Variants in MPHOSPH9 observed in about 807,000 individuals in gnomAD.
The protein encoded by MPHOSPH9 is M-phase phosphoprotein 9.
In MPHOSPH9, 88 loss-of-function variants were observed where a neutral mutation model predicts 145.5. That is an observed-to-expected ratio of 0.60 (90% CI 0.51 to 0.72). MPHOSPH9 has a LOEUF of 0.72. Ranked by LOEUF, MPHOSPH9 falls within the 30% of genes least tolerant of loss-of-function variation. The probability of loss-of-function intolerance (pLI) is 0.00; values close to 1 mark genes in which losing one functional copy is unlikely to be tolerated. For missense variants in MPHOSPH9, 1,238 were observed against 1,386.6 expected (o/e 0.89, Z 1.70); for synonymous variants, 435 against 486.2 (o/e 0.89, Z 1.39).
intron 23 of MPHOSPH9, among the ~76,000 whole-genome samples, chr12:123,158,077 C>A (rs1196668557): frequency 1.3e-5 from 2 of 151,856 alleles, no homozygotes; most frequent in Non-Finnish European, 2.9e-5. Context: ...GCAACCTCTG[C>A]CTCCCAGGTT....
chr12:123,170,920 T>A (rs1716176), intron 16 of MPHOSPH9, among the ~76,000 whole-genome samples: 1 of 151,704 alleles, frequency 6.6e-6, no homozygotes, highest in South Asian at 2.1e-4. Context: ...CGTTAAAGTG[T>A]TTCAATTTTA....
Position 123,230,340 on chromosome 12 carries a change from T to C in MPHOSPH9, c.25A>G (p.Thr9Ala). MEEFDLVKTLHKTSSSVGS... is the reference protein window; with the variant it reads MEEFDLVKALHKTSSSVGS... ...ACAGAAGATGAAGTTTTGTGTAAGGTTTTCACCAAGTCAAACTCTTCCATA... is the reference window on the plus strand; with the variant it reads ...ACAGAAGATGAAGTTTTGTGTAAGGCTTTCACCAAGTCAAACTCTTCCATA... Residue 9 changes from threonine (T) to alanine (A), a missense_variant, in exon 2 of 24, where the codon ACC becomes GCC. Physicochemically the swap from Thr to Ala is moderately conservative, Grantham distance 58 (BLOSUM62 0). This residue lies in a region of MPHOSPH9 where 837 missense variants were observed against 897.5 expected (regional missense o/e 0.93). Transcript: ENST00000606320. 6.5e-7 allele frequency: 1 copy of C among 1,533,216 alleles called. No individual in the cohort carries two copies. The highest frequency in any genetic ancestry group is 8.7e-7 in the Non-Finnish European group (1 of 1,144,798). The allele number at this position is 1,533,216 out of a possible 1,614,324, so 95.0% of individuals were successfully genotyped here.
At chr12:123,204,514 T>A (rs2046346615) in intron 8 of MPHOSPH9, among the ~76,000 whole-genome samples, 1 of 152,106 alleles carries the variant, frequency 6.6e-6, no homozygotes, top group African/African-American at 2.4e-5. Context: ...CCCCCACCCA[T>A]CACTTCTCAG....
chr12:123,207,856 G>GA (rs879541250), intron 8 of MPHOSPH9, among the ~76,000 whole-genome samples: 6 of 43,470 alleles, frequency 1.4e-4, no homozygotes, highest in Non-Finnish European at 9.2e-5. Flanking sequence ...CCGCCTCAAA[G>GA]AAAAAAAAAA....
rs763131282 is a variant in MPHOSPH9, at chr12:123,210,068, C to G, written c.1182G>C (p.Val394=). ...GTTTTTAAATTACCTGGTTTGGTGACACATCTGTGGAAGACAATGATATGA... is the reference window on the plus strand; with the variant it reads ...GTTTTTAAATTACCTGGTTTGGTGAGACATCTGTGGAAGACAATGATATGA... ...KTFISLSSTD[V]SPNQSNTSNE... The change falls in exon 8 of 24, where the codon GTG becomes GTC. Residue 394 remains valine (V), a synonymous_variant. Transcript: ENST00000606320. The G allele has an allele frequency of 3.1e-6, 5 of 1,608,138 alleles. No homozygotes were observed. The Middle Eastern group carries it at 6.6e-4, about 213-fold the overall frequency.
At chr12:123,173,987 G>A (rs1202775254) in intron 16 of MPHOSPH9, among the ~76,000 whole-genome samples, 2 of 152,148 alleles carry the variant, frequency 1.3e-5, no homozygotes, top group East Asian at 3.8e-4. Flanking sequence ...TGGGGACTGA[G>A]CCCTCAGCTT....
At chr12:123,200,937 G>A (rs1393758651) in intron 11 of MPHOSPH9, among the ~76,000 whole-genome samples, 2 of 151,962 alleles carry the variant, frequency 1.3e-5, no homozygotes, top group Admixed American at 1.3e-4. Context: ...GGGATTACAG[G>A]TGTGAGCCAC....
At chr12:123,208,351 A>C (rs1028595043) in intron 8 of MPHOSPH9, among the ~76,000 whole-genome samples, 8 of 151,850 alleles carry the variant, frequency 5.3e-5, no homozygotes, top group Non-Finnish European at 1.0e-4. Flanking sequence ...ATCCTGACCA[A>C]CATGGTGAAA....
At position 123,202,932 on chromosome 12, in the gene MPHOSPH9, G is replaced by T. The variant is rs752678338; in HGVS notation, c.1473C>A (p.Asp491Glu). 9 of 1,614,154 alleles carry T rather than the reference G, an allele frequency of 5.6e-6. No individual in the cohort carries two copies. Among genetic ancestry groups the T allele is most frequent in the Non-Finnish European group, 6.8e-6 (8 of 1,180,020 alleles). Residue 491 changes from aspartate (D) to glutamate (E), a missense_variant, in exon 10 of 24, where the codon GAC becomes GAA. Asp to Glu is a conservative substitution (Grantham distance 45). This residue lies in a region of MPHOSPH9 where 837 missense variants were observed against 897.5 expected (regional missense o/e 0.93). Coordinates refer to ENST00000606320, the MANE Select transcript of MPHOSPH9 (RefSeq NM_022782.4). The part of the protein sequence containing the change: ...EPSMSSPSDI[D>E]SFSQASNVTS... ...TGACATTACTTGCTTGTGAAAATGA[G>T]TCTATGTCAGAGGGACTAGACATAC...
At chr12:123,224,522 C>T (rs549352828) in intron 3 of MPHOSPH9, among the ~76,000 whole-genome samples, 20 of 152,070 alleles carry the variant, frequency 1.3e-4, no homozygotes, top group South Asian at 2.1e-4. Context: ...CCACCCGCCT[C>T]GGTCTCCCAA....
chr12:123,190,560 G>A (rs1020352922), intron 13 of MPHOSPH9, among the ~76,000 whole-genome samples: 1 of 152,078 alleles, frequency 6.6e-6, no homozygotes, highest in African/African-American at 2.4e-5. Flanking sequence ...AAATTAAAAT[G>A]AATCAATAAA....
chr12:123,173,874 T>C lies in MPHOSPH9; in HGVS notation c.2456+2814A>G, dbSNP rs1296146213. On this transcript the variant is annotated intron_variant, in intron 16 of 23. Coordinates refer to ENST00000606320, the MANE Select transcript of MPHOSPH9 (RefSeq NM_022782.4). ...AGTTCTATAAGCCACTCTGGCAAATTAATCAAACCCAAAGAGAGGGCTGTG... is the reference window on the plus strand; with the variant it reads ...AGTTCTATAAGCCACTCTGGCAAATCAATCAAACCCAAAGAGAGGGCTGTG... Among the ~76,000 whole-genome samples the C allele has an allele frequency of 2.6e-5, 4 of 152,206 alleles. No individual in the cohort carries two copies. The East Asian group carries it at 5.8e-4, about 22-fold the overall frequency.
At chr12:123,216,649 G>C (rs2046973764) in intron 6 of MPHOSPH9, among the ~76,000 whole-genome samples, 1 of 152,004 alleles carries the variant, frequency 6.6e-6, no homozygotes, top group Admixed American at 6.6e-5. Context: ...CCAGGAGTTT[G>C]AGACCAGCCT....
chr12:123,156,636 T>G lies in MPHOSPH9; in HGVS notation c.*171A>C. 1 of 449,896 alleles carries G rather than the reference T, an allele frequency of 2.2e-6. No individual in the cohort carries two copies. The allele number at this position is 449,896 out of a possible 1,614,324, so 27.9% of individuals were successfully genotyped here. A position where few individuals can be genotyped will look rare whatever the true frequency, so the allele number is the denominator to read the frequency against. The stretch of plus-strand genomic sequence containing the variant: ...GAGATTCCTGAGCATAACAAAAATA[T>G]CTTGAAAATATGTGGCCATTTGAAG... On this transcript the variant is annotated 3_prime_UTR_variant, in exon 24 of 24. Coordinates refer to ENST00000606320, the MANE Select transcript of MPHOSPH9 (RefSeq NM_022782.4).
Position 123,203,053 on chromosome 12 carries a change from T to C in MPHOSPH9, c.1352A>G (p.Lys451Arg). The C allele has an allele frequency of 6.2e-7, 1 of 1,614,034 alleles. No homozygotes were observed. The highest frequency in any genetic ancestry group is 8.5e-7 in the Non-Finnish European group (1 of 1,179,974). ...AATCCCTGAAATCTGCTGCTTTGGC[T>C]TCATGTGTAACGTAGGATCTAGAGT... ...VLTLDPTLHM[K>R]PKQQISGIQP... Residue 451 changes from lysine to arginine, a missense_variant, in exon 10 of 24, where the codon AAG becomes AGG. By Grantham distance (26) the Lys-to-Arg change is conservative. Transcript: ENST00000606320.
chr12:123,204,029 C>T (rs1470642448), intron 8 of MPHOSPH9, among the ~76,000 whole-genome samples: 3 of 151,976 alleles, frequency 2.0e-5, no homozygotes, highest in African/African-American at 4.8e-5. Flanking sequence ...ATAGGCTAGG[C>T]GCAGTGGCTC....
At chr12:123,169,043 C>A (rs1048580784) in intron 16 of MPHOSPH9, among the ~76,000 whole-genome samples, 3 of 151,776 alleles carry the variant, frequency 2.0e-5, no homozygotes, top group Non-Finnish European at 2.9e-5. Context: ...CACCACCACG[C>A]CCGGCTAATT....
At chr12:123,160,556 CCTT>C (rs2044064114) in intron 23 of MPHOSPH9, 11 of 493,984 alleles carry the variant, frequency 2.2e-5, no homozygotes, top group South Asian at 6.8e-5. Flanking sequence ...GGCATGAACA[CCTT>C]CTTCTCTAAG....
chr12:123,207,145 T>A (rs1379433485), intron 8 of MPHOSPH9, among the ~76,000 whole-genome samples: 2 of 92,928 alleles, frequency 2.2e-5, no homozygotes, highest in East Asian at 1.6e-3. Flanking sequence ...TCTAAAGTGG[T>A]TAAAAAAAAA....
Sources: gnomAD v4.1 joint callset for allele counts (sites outside exome capture counted in the v4.1 genomes callset) on GRCh38, gnomAD v4.1.1 for gene constraint, gnomAD v4.1.1 regional missense constraint, MANE v1.5 for transcripts, NCBI Gene and HGNC (gene_info 2026-07-23, HGNC 2026-07-21) for gene names.